CCDC7: variants seen among roughly 807,000 people sequenced by gnomAD.
CCDC7 encodes the protein coiled-coil domain containing 7.
A neutral mutation model predicts 196.9 loss-of-function variants in CCDC7; 183 were observed. That is an observed-to-expected ratio of 0.93 (90% CI 0.82 to 1.05). The LOEUF (loss-of-function observed/expected upper bound fraction) is 1.05, where lower values mean the gene tolerates loss of function less well. CCDC7 is among the 50% of genes least tolerant of loss of function. The pLI is 0.00. For synonymous variants in CCDC7, 525 were observed against 484.6 expected, an observed-to-expected ratio of 1.08 and a Z score of -1.10; for missense variants, 1,540 against 1,482.2, an observed-to-expected ratio of 1.04 and a Z score of -0.64.
chr10:32,806,445 T>A (rs180890593), intron 30 of CCDC7, among the ~76,000 whole-genome samples: 144 of 152,180 alleles, frequency 9.5e-4, no homozygotes, highest in African/African-American at 3.4e-3. Flanking sequence ...AAGCAGTTAG[T>A]ATAAATATAT....
At chr10:32,565,082 C>T (rs569163221) in intron 13 of CCDC7, among the ~76,000 whole-genome samples, 1 of 152,310 alleles carries the variant, frequency 6.6e-6, no homozygotes, top group South Asian at 2.1e-4. Flanking sequence ...TGTGTGGCAG[C>T]ATTTGTCTAG....
intron 39 of CCDC7, 21 bp from the exon 41 acceptor site, chr10:32,851,786 A>T: frequency 6.2e-7 from 1 of 1,604,962 alleles, no homozygotes; most frequent in Non-Finnish European, 8.5e-7. Flanking sequence ...TATGGCTAAC[A>T]TATTTTCCAA....
At chr10:32,756,418 A>G (rs767234732) in intron 28 of CCDC7, among the ~76,000 whole-genome samples, 18 of 152,238 alleles carry the variant, frequency 1.2e-4, no homozygotes, top group Non-Finnish European at 8.8e-5. Context: ...CTCCGCAGAA[A>G]TTCTATAAGC....
intron 18 of CCDC7, among the ~76,000 whole-genome samples, chr10:32,601,607 T>A (rs1016841420): frequency 6.6e-6 from 1 of 152,234 alleles, no homozygotes. Flanking sequence ...AGCTAAAGGA[T>A]TGTAAATGCA....
At chr10:32,684,088 G>T (rs2076185069) in intron 21 of CCDC7, among the ~76,000 whole-genome samples, 1 of 152,094 alleles carries the variant, frequency 6.6e-6, no homozygotes, top group African/African-American at 2.4e-5. Context: ...AAGTGATCAG[G>T]TTGGGGGGTG....
chr10:32,688,827 T>C (rs1187443266), intron 22 of CCDC7, among the ~76,000 whole-genome samples: 1 of 152,204 alleles, frequency 6.6e-6, no homozygotes, highest in Non-Finnish European at 1.5e-5. Flanking sequence ...GAGACTAAGA[T>C]AAAACATATT....
chr10:32,672,473 A>C (rs1193563101), intron 21 of CCDC7, among the ~76,000 whole-genome samples: 1 of 152,102 alleles, frequency 6.6e-6, no homozygotes, highest in African/African-American at 2.4e-5. Flanking sequence ...CAGAGTGGCT[A>C]TGTTTTGGGT....
In CCDC7 at chr10:32,861,115, C is replaced by CAAAAAAAAAAAAAAAAA. The variant is rs142801821; in HGVS notation, c.4111+6629_4111+6645dup. 5.6e-4 allele frequency among the ~76,000 whole-genome samples: 54 copies of CAAAAAAAAAAAAAAAAA among 97,052 alleles called. 1 individual carries two copies. Among genetic ancestry groups the CAAAAAAAAAAAAAAAAA allele is most frequent in the Middle Eastern group, 8.2e-3 (1 of 122 alleles). The allele number at this position is 97,052 out of a possible 152,430, so 63.7% of individuals were successfully genotyped here. A position where few individuals can be genotyped will look rare whatever the true frequency, so the allele number is the denominator to read the frequency against. ...CCTGCATAGCCAAGACAATCATAAG[C>CAAAAAAAAAAAAAAAAA]AAAAAAAAAAAAAAAAAAAGAAAGC... is the stretch of plus-strand genomic sequence containing the variant. On this transcript the variant is annotated intron_variant, in intron 41 of 41. Transcript: ENST00000639629.
At chr10:32,458,459 A>ATG (rs57148461) in intron 3 of CCDC7, among the ~76,000 whole-genome samples, 24 of 141,948 alleles carry the variant, frequency 1.7e-4, no homozygotes, top group African/African-American at 6.0e-4. Context: ...GTGTGTTTGC[A>ATG]TGTGTGTGTG....
intron 25 of CCDC7, among the ~76,000 whole-genome samples, chr10:32,715,220 T>C (rs1017261311): frequency 1.3e-5 from 2 of 152,138 alleles, no homozygotes; most frequent in African/African-American, 2.4e-5. Context: ...CAATCTTTAC[T>C]GTTCTGCAGC....
chr10:32,472,385 C>G (rs1008086347), intron 6 of CCDC7, 96 bp from the exon 8 acceptor site: 1 of 1,108,740 alleles, frequency 9.0e-7, no homozygotes, highest in Admixed American at 3.4e-5. Context: ...CTACAAACTT[C>G]ATATGTCTGG....
chr10:32,798,965 G>C (rs2084207680), intron 29 of CCDC7, among the ~76,000 whole-genome samples: 1 of 152,170 alleles, frequency 6.6e-6, no homozygotes, highest in African/African-American at 2.4e-5. Context: ...AGGGTGGCAG[G>C]AGTGGGGACC....
intron 29 of CCDC7, among the ~76,000 whole-genome samples, chr10:32,787,941 A>G (rs2134514724): frequency 1.3e-5 from 2 of 152,238 alleles, no homozygotes; most frequent in South Asian, 4.1e-4. Flanking sequence ...TTCTGGCACC[A>G]GTCCAGCTCC....
At position 32,462,831 on chromosome 10, in the gene CCDC7, A is replaced by G. The variant is rs2036009406; in HGVS notation, c.477+128A>G. 163 of 1,267,970 alleles carry G rather than the reference A, an allele frequency of 1.3e-4. 5 individuals are homozygous for G. In the South Asian group the frequency reaches 2.6e-3, roughly 20 times the overall value. 78.5% of individuals were successfully genotyped at this position (1,267,970 alleles called of 1,614,324 possible). A position where few individuals can be genotyped will look rare whatever the true frequency, so the allele number is the denominator to read the frequency against. ...ATACTTGCTGCTCTATATATTTAAG[A>G]ATTTTATGTTCATTTGTATAGTGCA... On this transcript the variant is annotated intron_variant, in intron 4 of 41. Coordinates refer to ENST00000639629, the Ensembl canonical transcript of CCDC7.
intron 21 of CCDC7, among the ~76,000 whole-genome samples, chr10:32,667,053 T>C (rs1031177924): frequency 2.0e-5 from 3 of 152,204 alleles, no homozygotes; most frequent in African/African-American, 7.2e-5. Context: ...TCCTGACTTT[T>C]TAATGATCAC....
Position 32,592,386 on chromosome 10 carries a change from G to A in CCDC7, c.1801+8082G>A, listed in dbSNP as rs148400798. 2.4e-3 allele frequency among the ~76,000 whole-genome samples: 358 copies of A among 151,668 alleles called. 2 individuals are homozygous for A. Among genetic ancestry groups the A allele is most frequent in the African/African-American group, 8.2e-3 (340 of 41,352 alleles). ...ATTTTTCTGCTAGCTTTGGATTTAG[G>A]TTGTCCTTTTTCTAGTTTTTTTAAG... On this transcript the variant is annotated intron_variant, in intron 18 of 41. Coordinates refer to ENST00000639629, the Ensembl canonical transcript of CCDC7.
intron 28 of CCDC7, among the ~76,000 whole-genome samples, chr10:32,730,963 A>G (rs2083865299): frequency 6.6e-6 from 1 of 152,030 alleles, no homozygotes; most frequent in Admixed American, 6.6e-5. Context: ...ACATCCACTG[A>G]ACTCATTTTT....
chr10:32,804,560 A>G (rs1469840139), intron 29 of CCDC7, among the ~76,000 whole-genome samples: 1 of 152,166 alleles, frequency 6.6e-6, no homozygotes, highest in Non-Finnish European at 1.5e-5. Flanking sequence ...TGTGATTATG[A>G]AGATCATTGT....
chr10:32,594,729 T>A (rs150801071), intron 18 of CCDC7, among the ~76,000 whole-genome samples: 5,905 of 152,314 alleles, frequency 0.039, 121 homozygotes, highest in Non-Finnish European at 0.05. Context: ...GTCCCATCAA[T>A]ACCTAATTTA....
Sources: allele counts gnomAD v4.1 joint callset (sites outside exome capture counted in the v4.1 genomes callset), GRCh38; gene constraint gnomAD v4.1.1; transcripts MANE v1.5; gene names NCBI Gene and HGNC (gene_info 2026-07-23, HGNC 2026-07-21).